NXPE2: variants seen among roughly 807,000 people sequenced by gnomAD.
NXPE2 encodes the protein neurexophilin and PC-esterase domain family member 2.
Under a neutral mutation model 34.4 loss-of-function variants are expected in NXPE2, and 34 were observed. The observed-to-expected ratio is 0.99, with a 90% CI of 0.75 to 1.31. The LOEUF (loss-of-function observed/expected upper bound fraction) is 1.31. Ranked by LOEUF, NXPE2 falls within the 40% of genes most tolerant of loss-of-function variation. NXPE2 has a pLI of 0.00. For synonymous variants in NXPE2, 235 were observed against 231.3 expected (o/e 1.02, Z -0.15); for missense variants, 649 against 672.5 (o/e 0.97, Z 0.39).
At chr11:114,808,455 A>G in the NXPE2 span, among the ~76,000 whole-genome samples, 4 of 119,986 alleles carry the variant, frequency 3.3e-5, no homozygotes, top group Non-Finnish European at 6.9e-5. Flanking sequence ...AGCAAGACTA[A>G]TAAAGAAGAA....
the NXPE2 span, among the ~76,000 whole-genome samples, chr11:114,519,968 T>C: frequency 8.5e-6 from 1 of 117,234 alleles, no homozygotes; most frequent in African/African-American, 4.5e-5. Context: ...CTCGGCGAGC[T>C]TGCCCGCTAA....
chr11:114,580,099 G>A, the NXPE2 span: 1 of 1,528,858 alleles, frequency 6.5e-7, no homozygotes, highest in South Asian at 1.1e-5. Context: ...GTTTCTGAAA[G>A]GGGTAAGAAT....
chr11:114,567,465 T>G, the NXPE2 span, among the ~76,000 whole-genome samples: 2 of 152,102 alleles, frequency 1.3e-5, no homozygotes, highest in African/African-American at 2.4e-5. Flanking sequence ...CATTTCCCAA[T>G]AAGGCTGAAC....
chr11:114,682,363 T>G (rs1383399156), intron 2 of NXPE2, among the ~76,000 whole-genome samples: 2 of 152,160 alleles, frequency 1.3e-5, no homozygotes, highest in Admixed American at 1.3e-4. Context: ...GCCCTTACAA[T>G]CTCATATGCC....
chr11:114,808,858 C>A, the NXPE2 span, among the ~76,000 whole-genome samples: 1 of 152,160 alleles, frequency 6.6e-6, no homozygotes, highest in East Asian at 1.9e-4. Context: ...CCAGCAACAT[C>A]CTGATACCAA....
chr11:114,700,821 C>A (rs1022558210), intron 3 of NXPE2, among the ~76,000 whole-genome samples: 1 of 152,068 alleles, frequency 6.6e-6, no homozygotes, highest in Non-Finnish European at 1.5e-5. Flanking sequence ...TGGCCACAGA[C>A]CACTTATTTT....
At chr11:114,645,198 G>A in the NXPE2 span, among the ~76,000 whole-genome samples, 1 of 152,088 alleles carries the variant, frequency 6.6e-6, no homozygotes, top group Non-Finnish European at 1.5e-5. Flanking sequence ...GCTACACAGA[G>A]GCTGAGGCAG....
At chr11:114,732,949 T>G in the NXPE2 span, among the ~76,000 whole-genome samples, 1 of 152,216 alleles carries the variant, frequency 6.6e-6, no homozygotes, top group Non-Finnish European at 1.5e-5. Context: ...TTAATTCACA[T>G]GATATTCCAT....
chr11:114,551,209 G>A, the NXPE2 span: 3 of 1,521,560 alleles, frequency 2.0e-6, no homozygotes, highest in Non-Finnish European at 2.6e-6. Context: ...CATGACGAAT[G>A]TCCTAGGAGA....
chr11:114,638,762 G>A, the NXPE2 span, among the ~76,000 whole-genome samples: 1 of 152,042 alleles, frequency 6.6e-6, no homozygotes. Flanking sequence ...AACAGCAGCA[G>A]TGTCTGCAGA....
the NXPE2 span, among the ~76,000 whole-genome samples, chr11:114,573,217 GA>G: frequency 6.6e-6 from 1 of 152,088 alleles, no homozygotes; most frequent in African/African-American, 2.4e-5. Flanking sequence ...TCTAAATCTT[GA>G]AGCAAGTTAT....
the NXPE2 span, among the ~76,000 whole-genome samples, chr11:114,480,739 C>G: frequency 1.3e-5 from 2 of 152,140 alleles, no homozygotes; most frequent in Admixed American, 6.5e-5. Flanking sequence ...GTGGGAGACC[C>G]TTATTAAATA....
rs969402166 is a variant in NXPE2 at position 114,701,705 on chromosome 11, T to A, written c.867-2286T>A. 7.9e-5 allele frequency among the ~76,000 whole-genome samples: 12 copies of A among 152,188 alleles called. No homozygotes were observed. In the South Asian group the frequency reaches 8.3e-4, roughly 10 times the overall value. On this transcript the variant is annotated intron_variant, in intron 3 of 5. Transcript: ENST00000389586. ...CCCAATTCTTTGACATCTTTCCTTC[T>A]CACGAATACAGGGACTAAGCCAGTT...
the NXPE2 span, among the ~76,000 whole-genome samples, chr11:114,604,094 A>G: frequency 6.6e-6 from 1 of 151,986 alleles, no homozygotes; most frequent in Non-Finnish European, 1.5e-5. Context: ...ATAGGTAACT[A>G]CTGTTATCTG....
the NXPE2 span, among the ~76,000 whole-genome samples, chr11:114,777,160 G>T: frequency 6.6e-6 from 1 of 152,124 alleles, no homozygotes. Flanking sequence ...AAAAAGATAT[G>T]ACCTAACAGA....
At chr11:114,529,952 A>G in the NXPE2 span, 15 of 505,684 alleles carry the variant, frequency 3.0e-5, no homozygotes, top group Non-Finnish European at 5.2e-5. Context: ...CTGTGAACAC[A>G]TAGAAGAACG....
At chr11:114,668,487 A>G in the NXPE2 span, among the ~76,000 whole-genome samples, 11 of 151,304 alleles carry the variant, frequency 7.3e-5, no homozygotes, top group Non-Finnish European at 7.4e-5. Flanking sequence ...AGCACTATTT[A>G]TAACAGTGAG....
At chr11:114,803,811 C>T in the NXPE2 span, among the ~76,000 whole-genome samples, 1 of 152,038 alleles carries the variant, frequency 6.6e-6, no homozygotes, top group Non-Finnish European at 1.5e-5. Flanking sequence ...AACTCCAGAC[C>T]TCGTGATCCG....
the NXPE2 span, among the ~76,000 whole-genome samples, chr11:114,790,744 A>G: frequency 0.15 from 23,245 of 151,938 alleles, 1,898 homozygotes; most frequent in Middle Eastern, 0.21. Flanking sequence ...GAAGCTTTTC[A>G]TTCATCATCC....
Sources: allele counts gnomAD v4.1 joint callset (sites outside exome capture counted in the v4.1 genomes callset), GRCh38; gene constraint gnomAD v4.1.1; transcripts MANE v1.5; gene names NCBI Gene and HGNC (gene_info 2026-07-23, HGNC 2026-07-21).